The following MBNL2 variants were observed in gnomAD, a reference collection of about 807,000 sequenced individuals.
MBNL2 encodes the protein muscleblind-like protein 2.
A neutral mutation model predicts 41.9 loss-of-function variants in MBNL2; 17 were observed. The ratio of observed to expected loss-of-function variants is 0.41; its 90% CI spans 0.28 to 0.61. MBNL2 has a LOEUF of 0.61. Ranked by LOEUF, MBNL2 falls within the 20% of genes least tolerant of loss-of-function variation. The probability of loss-of-function intolerance (pLI) is 0.35; values close to 1 mark genes in which losing one functional copy is unlikely to be tolerated. For missense variants in MBNL2, 336 were observed against 505.6 expected, an observed-to-expected ratio of 0.66 and a Z score of 3.22; for synonymous variants, 195 against 182.9, an observed-to-expected ratio of 1.07 and a Z score of -0.53.
At chr13:97,310,701 T>C (rs987735664) in intron 2 of MBNL2, among the ~76,000 whole-genome samples, 3 of 152,074 alleles carry the variant, frequency 2.0e-5, no homozygotes, top group Non-Finnish European at 4.4e-5. Flanking sequence ...AGTGCTGGGA[T>C]TACAGGAGTG....
At chr13:97,154,794 G>GATGA in the MBNL2 span, among the ~76,000 whole-genome samples, 1 of 147,292 alleles carries the variant, frequency 6.8e-6, no homozygotes, top group Non-Finnish European at 1.5e-5. Context: ...ATGGTATAAG[G>GATGA]ATGGATGGAT....
intron 1 of MBNL2, among the ~76,000 whole-genome samples, chr13:97,260,197 GT>G (rs1253605287): frequency 6.6e-6 from 1 of 152,318 alleles, no homozygotes; most frequent in East Asian, 1.9e-4. Flanking sequence ...TGGGACAAAA[GT>G]ATTCCCAGCA....
chr13:97,318,446 C>T (rs1192342832), intron 2 of MBNL2, among the ~76,000 whole-genome samples: 1 of 152,136 alleles, frequency 6.6e-6, no homozygotes, highest in African/African-American at 2.4e-5. Flanking sequence ...AGCACCTCCC[C>T]CTCTCAAATG....
At position 97,391,367 on chromosome 13, in the gene MBNL2, C is replaced by A; in HGVS notation, c.1094C>A (p.Ser365Tyr). ...AGAAACGGAATGGAATGCCAAGAAT[C>A]TGCATTGAGAATAACTAAACATTGT... is the stretch of plus-strand genomic sequence containing the variant. ...ISRNGMECQESALRITKHCYC... is the reference protein window; with the variant it reads ...ISRNGMECQEYALRITKHCYC... Residue 365 changes from serine (S) to tyrosine (Y), a missense_variant, in exon 9 of 9, where the codon TCT becomes TAT. Physicochemically the swap from Ser to Tyr is moderately radical, Grantham distance 144. Coordinates refer to ENST00000679496, the MANE Select transcript of MBNL2 (RefSeq NM_001382683.1). The A allele has an allele frequency of 6.3e-7, 1 of 1,588,800 alleles. No homozygotes were observed. The highest frequency in any genetic ancestry group is 1.1e-5 in the South Asian group (1 of 90,418).
At chr13:97,160,103 T>C in the MBNL2 span, among the ~76,000 whole-genome samples, 1 of 152,208 alleles carries the variant, frequency 6.6e-6, no homozygotes, top group African/African-American at 2.4e-5. Context: ...TTTCTTTTTA[T>C]TCTTTGAAAA....
the MBNL2 span, among the ~76,000 whole-genome samples, chr13:97,196,846 C>T: frequency 6.6e-6 from 1 of 152,158 alleles, no homozygotes; most frequent in Non-Finnish European, 1.5e-5. Context: ...CTTTTGCCAC[C>T]ATATGGTTCT....
At chr13:97,173,705 C>A in the MBNL2 span, among the ~76,000 whole-genome samples, 1 of 152,212 alleles carries the variant, frequency 6.6e-6, no homozygotes, top group Non-Finnish European at 1.5e-5. Context: ...AAACCTACCA[C>A]TTCCTCCTCT....
intron 1 of MBNL2, among the ~76,000 whole-genome samples, chr13:97,259,249 C>T (rs937573397): frequency 2.6e-5 from 4 of 152,064 alleles, no homozygotes; most frequent in African/African-American, 9.7e-5. Context: ...AGTCTTGGTG[C>T]ACAGTGGCAT....
chr13:97,329,260 A>G (rs935220997), intron 2 of MBNL2, among the ~76,000 whole-genome samples: 2 of 152,156 alleles, frequency 1.3e-5, no homozygotes, highest in Non-Finnish European at 2.9e-5. Flanking sequence ...CACAAATCCA[A>G]TGTCGACTCC....
At chr13:97,199,609 C>T in the MBNL2 span, among the ~76,000 whole-genome samples, 1 of 152,194 alleles carries the variant, frequency 6.6e-6, no homozygotes, top group Non-Finnish European at 1.5e-5. Flanking sequence ...AGAGAGATTA[C>T]TTCTAACTAG....
At chr13:97,384,909 G>A (rs1339278301) in intron 8 of MBNL2, among the ~76,000 whole-genome samples, 1 of 152,070 alleles carries the variant, frequency 6.6e-6, no homozygotes, top group African/African-American at 2.4e-5. Flanking sequence ...TCTGCCCCCA[G>A]CCTGGAATAT....
chr13:97,286,624 T>C (rs1353108621), intron 2 of MBNL2, among the ~76,000 whole-genome samples: 2 of 152,334 alleles, frequency 1.3e-5, no homozygotes, highest in Admixed American at 6.5e-5. Context: ...CTATGTGATG[T>C]GGCACCTGTT....
intron 2 of MBNL2, among the ~76,000 whole-genome samples, chr13:97,294,604 G>A (rs1297757454): frequency 1.3e-5 from 2 of 152,142 alleles, no homozygotes; most frequent in Admixed American, 1.3e-4. Flanking sequence ...AGTAGGTCTG[G>A]GTATGGATCC....
At chr13:97,378,282 G>A (rs1412085518) in intron 8 of MBNL2, among the ~76,000 whole-genome samples, 2 of 149,202 alleles carry the variant, frequency 1.3e-5, no homozygotes, top group East Asian at 3.9e-4. Context: ...AACCCTGTAA[G>A]TTAGAAACAA....
At chr13:97,208,077 C>T in the MBNL2 span, among the ~76,000 whole-genome samples, 1 of 152,202 alleles carries the variant, frequency 6.6e-6, no homozygotes, top group Non-Finnish European at 1.5e-5. Context: ...GCCTCCTTCC[C>T]AGCTGCTTTC....
the MBNL2 span, among the ~76,000 whole-genome samples, chr13:97,142,627 G>T: frequency 1.3e-5 from 2 of 152,178 alleles, no homozygotes; most frequent in Non-Finnish European, 2.9e-5. Flanking sequence ...GGTCATGCAC[G>T]CCTCCACGGC....
intron 2 of MBNL2, among the ~76,000 whole-genome samples, chr13:97,278,477 A>G (rs1015364759): frequency 6.6e-6 from 1 of 152,152 alleles, no homozygotes; most frequent in Non-Finnish European, 1.5e-5. Flanking sequence ...TTCGAGAAAT[A>G]TGGGGAAAAT....
At chr13:97,201,370 G>C in the MBNL2 span, among the ~76,000 whole-genome samples, 1 of 151,982 alleles carries the variant, frequency 6.6e-6, no homozygotes, top group Non-Finnish European at 1.5e-5. Context: ...TGTGTTTTCT[G>C]TTCTTTTCAC....
the MBNL2 span, among the ~76,000 whole-genome samples, chr13:97,151,821 C>G: frequency 6.6e-6 from 1 of 152,106 alleles, no homozygotes; most frequent in African/African-American, 2.4e-5. Context: ...CCTGAAGAAC[C>G]TGAATGGTTG....
Sources: allele counts gnomAD v4.1 joint callset (sites outside exome capture counted in the v4.1 genomes callset), GRCh38; gene constraint gnomAD v4.1.1; transcripts MANE v1.5; gene names NCBI Gene and HGNC (gene_info 2026-07-23, HGNC 2026-07-21).